Variants in ACP3 observed in about 807,000 individuals in gnomAD.
ACP3 encodes prostatic acid phosphatase.
In ACP3, 38 loss-of-function variants were observed where a neutral mutation model predicts 45.6. The observed-to-expected ratio is 0.83, with a 90% CI of 0.64 to 1.09. ACP3 has a LOEUF of 1.09. ACP3 is among the 50% of genes least tolerant of loss of function. The pLI is 0.00. For synonymous variants in ACP3, 162 were observed against 164.7 expected (o/e 0.98, Z 0.13); for missense variants, 466 against 463.2 (o/e 1.01, Z -0.05).
intron 8 of ACP3, among the ~76,000 whole-genome samples, chr3:132,351,503 AGAAGGTGAAAGAGGTGACT>A (rs1428149548): frequency 6.6e-6 from 1 of 152,198 alleles, no homozygotes; most frequent in African/African-American, 2.4e-5. Context: ...CATTCATGCA[AGAAGGTGAAAGAGGTGACT>A]GAAGATGCCA....
At chr3:132,353,364 C>T (rs377454839) in intron 9 of ACP3, among the ~76,000 whole-genome samples, 52 of 152,136 alleles carry the variant, frequency 3.4e-4, no homozygotes, top group Middle Eastern at 3.4e-3. Flanking sequence ...CAGAATTGAC[C>T]CATGAAATCT....
intron 2 of ACP3, 97 bp downstream of exon 2, chr3:132,328,459 A>G (rs996067596): frequency 2.1e-6 from 2 of 969,040 alleles, no homozygotes; most frequent in Non-Finnish European, 3.2e-6. Context: ...CAGGCGGATC[A>G]ACTGAGGTCA....
intron 4 of ACP3, among the ~76,000 whole-genome samples, chr3:132,337,006 A>C (rs1385952081): frequency 6.6e-6 from 1 of 151,990 alleles, no homozygotes. Flanking sequence ...TGAGTGGTTA[A>C]TTGACTTAAG....
At chr3:132,347,871 A>ACACACACACACACACACC (rs766142673) in intron 7 of ACP3, among the ~76,000 whole-genome samples, 8 of 151,210 alleles carry the variant, frequency 5.3e-5, no homozygotes, top group Admixed American at 3.3e-4. Flanking sequence ...ACACACACAC[A>ACACACACACACACACACC]CCAAAAAAAT....
At chr3:132,364,708 C>A (rs144326893) in intron 10 of ACP3, among the ~76,000 whole-genome samples, 136 of 152,324 alleles carry the variant, frequency 8.9e-4, no homozygotes, top group African/African-American at 3.0e-3. Context: ...TATGGAACCT[C>A]AGCATCCAGT....
In ACP3 at chr3:132,357,104, T is replaced by C. The variant is rs1024448640; in HGVS notation, c.*226T>C. 1 of 1,273,520 alleles carries C rather than the reference T, an allele frequency of 7.9e-7. No homozygotes were observed. Among genetic ancestry groups the C allele is most frequent in the African/African-American group, 1.5e-5 (1 of 66,198 alleles). The allele number at this position is 1,273,520 out of a possible 1,614,324, so 78.9% of individuals were successfully genotyped here. On this transcript the variant is annotated 3_prime_UTR_variant, in exon 10 of 10. Transcript: ENST00000336375. ...GTTTTGTTTTGTTTTTCAGCGTTAA[T>C]GTAAAGGGGCAGCAGTGCCAAAATA...
At chr3:132,359,820 T>A (rs759738662), downstream of ACP3, among the ~76,000 whole-genome samples, 4 of 152,244 alleles carry the variant, frequency 2.6e-5, no homozygotes, top group African/African-American at 4.8e-5. Flanking sequence ...GAGTGGAATG[T>A]GTCCATCAGT....
intron 2 of ACP3, among the ~76,000 whole-genome samples, chr3:132,329,466 G>C (rs1937360604): frequency 6.6e-6 from 1 of 152,168 alleles, no homozygotes; most frequent in Non-Finnish European, 1.5e-5. Flanking sequence ...AACTCAGGCA[G>C]GCTATTTGAG....
At position 132,332,340 on chromosome 3, in the gene ACP3, A is replaced by G. The variant is rs1398442536; in HGVS notation, c.452A>G (p.Asp151Gly). Reference protein sequence around the residue: ...IPVHTVPLSEDQLLYLPFRNC... With the variant: ...IPVHTVPLSEGQLLYLPFRNC... ...GTGCACACAGTTCCTCTTTCTGAAGATCAGGTCAGTATACTGGGAAAACCA... is the reference window on the plus strand; with the variant it reads ...GTGCACACAGTTCCTCTTTCTGAAGGTCAGGTCAGTATACTGGGAAAACCA... The change falls in exon 4 of 10, where the codon GAT becomes GGT. Residue 151 changes from aspartate (D) to glycine (G), a missense_variant. By Grantham distance (94) the Asp-to-Gly change is moderately conservative. Coordinates refer to ENST00000336375, the MANE Select transcript of ACP3 (RefSeq NM_001099.5). 1 of 1,614,014 alleles carries G rather than the reference A, an allele frequency of 6.2e-7. No individual in the cohort carries two copies. Among genetic ancestry groups the G allele is most frequent in the Non-Finnish European group, 8.5e-7 (1 of 1,180,012 alleles).
At chr3:132,342,781 T>G (rs1937567082) in intron 6 of ACP3, 137 bp downstream of exon 6, 1 of 496,042 alleles carries the variant, frequency 2.0e-6, no homozygotes, top group Admixed American at 3.9e-5. Flanking sequence ...GAAACGTAAT[T>G]CACAACTTCC....
chr3:132,364,277 G>A (rs562987375), intron 10 of ACP3, among the ~76,000 whole-genome samples: 1 of 152,144 alleles, frequency 6.6e-6, no homozygotes, highest in African/African-American at 2.4e-5. Context: ...GGGCTTAGGA[G>A]GTTGAGGCTG....
intron 4 of ACP3, among the ~76,000 whole-genome samples, chr3:132,333,109 C>CT (rs1937431116): frequency 6.6e-6 from 1 of 152,114 alleles, no homozygotes; most frequent in Non-Finnish European, 1.5e-5. Context: ...ATCGGAATGT[C>CT]TGAGGGTGGA....
chr3:132,336,696 C>T (rs890336733), intron 4 of ACP3, among the ~76,000 whole-genome samples: 15 of 151,740 alleles, frequency 9.9e-5, no homozygotes, highest in African/African-American at 3.4e-4. Context: ...GCAAGAAGGC[C>T]CTTGTAACAT....
At chr3:132,341,243 C>A (rs553588453) in intron 5 of ACP3, among the ~76,000 whole-genome samples, 18 of 152,092 alleles carry the variant, frequency 1.2e-4, no homozygotes, top group Non-Finnish European at 2.4e-4. Context: ...TCCTAATAAG[C>A]ATACAGGCTT....
intron 5 of ACP3, among the ~76,000 whole-genome samples, chr3:132,340,311 G>A (rs571674401): frequency 2.6e-4 from 34 of 128,468 alleles, no homozygotes; most frequent in African/African-American, 7.7e-4. Flanking sequence ...ACGAAATTCC[G>A]TCTCAAAAAA....
At position 132,349,941 on chromosome 3, in the gene ACP3, T is replaced by C. The variant is rs1559840237; in HGVS notation, c.803T>C (p.Leu268Pro). 1.2e-6 allele frequency: 2 copies of C among 1,612,702 alleles called. No individual in the cohort carries two copies. The highest frequency in any genetic ancestry group is 1.7e-6 in the Non-Finnish European group (2 of 1,178,774). ...LQGGVLVNEI[L>P]NHMKRATQIP... ...TAAGGTGTCCTGGTCAATGAAATCC[T>C]CAATCACATGAAGAGAGCAACTCAG... The change falls in exon 8 of 10, where the codon CTC becomes CCC. Residue 268 changes from leucine (L) to proline (P), a missense_variant. Leu to Pro is a moderately conservative substitution (Grantham distance 98). Coordinates refer to ENST00000336375, the MANE Select transcript of ACP3 (RefSeq NM_001099.5).
intron 10 of ACP3, among the ~76,000 whole-genome samples, chr3:132,367,030 T>C (rs1350045359): frequency 6.6e-6 from 1 of 152,146 alleles, no homozygotes; most frequent in Non-Finnish European, 1.5e-5. Context: ...AAGACATACA[T>C]TTAGAGATGG....
intron 1 of ACP3, among the ~76,000 whole-genome samples, chr3:132,318,150 G>A (rs571346739): frequency 6.6e-6 from 1 of 152,282 alleles, no homozygotes; most frequent in East Asian, 1.9e-4. Flanking sequence ...GAAAAAAGGT[G>A]GGGGGTGGCT....
intron 2 of ACP3, among the ~76,000 whole-genome samples, chr3:132,329,270 C>T (rs374497838): frequency 2.6e-5 from 4 of 152,012 alleles, no homozygotes; most frequent in South Asian, 4.1e-4. Flanking sequence ...TTAATCCTGC[C>T]AAAACATTGG....
Sources: gnomAD v4.1 joint callset for allele counts (sites outside exome capture counted in the v4.1 genomes callset) on GRCh38, gnomAD v4.1.1 for gene constraint, MANE v1.5 for transcripts, NCBI Gene and HGNC (gene_info 2026-07-23, HGNC 2026-07-21) for gene names.